ADGB: variants seen among roughly 807,000 people sequenced by gnomAD.
ADGB encodes androglobin.
A neutral mutation model predicts 210.5 loss-of-function variants in ADGB; 172 were observed. That is an observed-to-expected ratio of 0.82 (90% CI 0.72 to 0.93). The LOEUF (loss-of-function observed/expected upper bound fraction) is 0.93. ADGB is among the 40% of genes least tolerant of loss of function. ADGB has a pLI of 0.00. For missense variants in ADGB, 2,025 were observed against 1,964.8 expected (o/e 1.03, Z -0.58); for synonymous variants, 658 against 662.7 (o/e 0.99, Z 0.11).
chr6:146,611,850 AT>A (rs561250951), intron 1 of ADGB, among the ~76,000 whole-genome samples: 8 of 150,522 alleles, frequency 5.3e-5, no homozygotes, highest in Admixed American at 1.3e-4. Context: ...CTGCAGATCT[AT>A]TTTTTTTTAT....
chr6:146,808,866 T>TG (rs11451761), intron 35 of ADGB, among the ~76,000 whole-genome samples: 101,203 of 151,066 alleles, frequency 0.67, 35,279 homozygotes, highest in African/African-American at 0.88. Flanking sequence ...CACCAGGTCG[T>TG]GGGGGTGACA....
At chr6:146,711,470 T>G (rs1776655409) in intron 13 of ADGB, among the ~76,000 whole-genome samples, 2 of 152,166 alleles carry the variant, frequency 1.3e-5, no homozygotes, top group African/African-American at 2.4e-5. Context: ...TCTCCTCTGA[T>G]GGACTTCCTA....
intron 32 of ADGB, among the ~76,000 whole-genome samples, chr6:146,786,772 G>C (rs1015236604): frequency 2.0e-5 from 3 of 152,102 alleles, no homozygotes; most frequent in South Asian, 2.1e-4. Context: ...AGGTGAATAG[G>C]ATTCAGTTCT....
intron 28 of ADGB, 38 bp downstream of exon 28, chr6:146,764,138 A>C: frequency 6.8e-7 from 1 of 1,471,086 alleles, no homozygotes; most frequent in Admixed American, 2.3e-5. Context: ...ACTGTTCCTA[A>C]AACCCTAACA....
At chr6:146,618,135 A>G (rs938623382) in intron 1 of ADGB, among the ~76,000 whole-genome samples, 5 of 152,070 alleles carry the variant, frequency 3.3e-5, no homozygotes, top group African/African-American at 7.2e-5. Context: ...TTGGATTATC[A>G]TAAAGGTCTC....
intron 1 of ADGB, among the ~76,000 whole-genome samples, chr6:146,605,482 G>A (rs143638596): frequency 9.9e-5 from 15 of 152,006 alleles, no homozygotes; most frequent in African/African-American, 2.4e-4. Context: ...TGAATGCCTC[G>A]CCTTATTTAT....
intron 26 of ADGB, among the ~76,000 whole-genome samples, chr6:146,751,132 C>A (rs564612040): frequency 8.1e-6 from 1 of 123,630 alleles, no homozygotes; most frequent in East Asian, 2.6e-4. Context: ...TCCCACCCCC[C>A]ACCCTCCCGC....
At chr6:146,658,080 T>C (rs1225576177) in intron 5 of ADGB, among the ~76,000 whole-genome samples, 1 of 152,172 alleles carries the variant, frequency 6.6e-6, no homozygotes, top group Non-Finnish European at 1.5e-5. Context: ...TTTTCTTTCA[T>C]AGGCCTGAGC....
chr6:146,740,085 C>G (rs1180372311), intron 23 of ADGB, among the ~76,000 whole-genome samples: 1 of 152,176 alleles, frequency 6.6e-6, no homozygotes, highest in Non-Finnish European at 1.5e-5. Flanking sequence ...CAATTCCAGG[C>G]CCTTCAGTGA....
At chr6:146,642,073 C>A (rs1037410594) in intron 2 of ADGB, among the ~76,000 whole-genome samples, 1 of 151,964 alleles carries the variant, frequency 6.6e-6, no homozygotes, top group African/African-American at 2.4e-5. Context: ...AAACAAACAA[C>A]CACATTTAAA....
At chr6:146,651,842 GCTAACAGCAA>G (rs1173263893) in intron 3 of ADGB, among the ~76,000 whole-genome samples, 1 of 152,058 alleles carries the variant, frequency 6.6e-6, no homozygotes, top group African/African-American at 2.4e-5. Context: ...ATATTTTATG[GCTAACAGCAA>G]GAAAGGAAAA....
chr6:146,636,425 A>G (rs902848576), intron 2 of ADGB, among the ~76,000 whole-genome samples: 2 of 152,084 alleles, frequency 1.3e-5, no homozygotes, highest in Admixed American at 6.6e-5. Context: ...CTCTGTTAGC[A>G]CCTAAACAAG....
rs4896886 is a variant in ADGB, at chr6:146,732,496, C to G, written c.2521-624C>G. Among the ~76,000 whole-genome samples the G allele has an allele frequency of 7.2e-5, 11 of 151,760 alleles. No individual in the cohort carries two copies. In the South Asian group the frequency reaches 2.3e-3, roughly 32 times the overall value. ...TTCATGCTACCAAGATTACTCCTCA[C>G]GGGCTCAATGTAGCTGGCCCTGATT... On this transcript the variant is annotated intron_variant, in intron 20 of 35. Transcript: ENST00000397944.
intron 18 of ADGB, 188 bp from the exon 19 acceptor site, chr6:146,725,895 G>A: frequency 2.3e-6 from 1 of 440,390 alleles, no homozygotes; most frequent in Non-Finnish European, 4.1e-6. Flanking sequence ...GTAAAGCGTA[G>A]ATTTCATGAT....
chr6:146,792,102 G>T (rs1777963626), intron 33 of ADGB, among the ~76,000 whole-genome samples: 2 of 151,982 alleles, frequency 1.3e-5, no homozygotes, highest in Admixed American at 1.3e-4. Flanking sequence ...CTGTTTTTAT[G>T]CCAGTACCAT....
intron 11 of ADGB, among the ~76,000 whole-genome samples, 151 bp downstream of exon 11, chr6:146,691,441 TAAAAA>T (rs1562275544): frequency 1.0e-3 from 14 of 13,518 alleles, no homozygotes; most frequent in South Asian, 3.8e-3. Context: ...TATATATATA[TAAAAA>T]TATATATATA....
intron 35 of ADGB, chr6:146,803,429 C>T: frequency 6.2e-7 from 1 of 1,608,762 alleles, no homozygotes; most frequent in South Asian, 1.1e-5. Context: ...TGTCACAGCC[C>T]CCACCTTCCA....
chr6:146,748,025 C>A (rs1777267479), intron 26 of ADGB, among the ~76,000 whole-genome samples: 1 of 151,862 alleles, frequency 6.6e-6, no homozygotes, highest in South Asian at 2.1e-4. Flanking sequence ...TCAAGTGAGG[C>A]CACCTGTCTC....
At chr6:146,758,309 G>A (rs73583036) in intron 27 of ADGB, among the ~76,000 whole-genome samples, 9,922 of 152,026 alleles carry the variant, frequency 0.065, 1,080 homozygotes, top group African/African-American at 0.23. Flanking sequence ...AGTTCACAGA[G>A]GGAACTCAAT....
Sources: allele counts gnomAD v4.1 joint callset (sites outside exome capture counted in the v4.1 genomes callset), GRCh38; gene constraint gnomAD v4.1.1; transcripts MANE v1.5; gene names NCBI Gene and HGNC (gene_info 2026-07-23, HGNC 2026-07-21).